The following AGBL1 variants were observed in gnomAD, a reference collection of about 807,000 sequenced individuals.
AGBL1 encodes the protein cytosolic carboxypeptidase 4.
In AGBL1, 130 loss-of-function variants were observed where a neutral mutation model predicts 118.9. The observed-to-expected ratio is 1.09, with a 90% CI of 0.95 to 1.26. The LOEUF (loss-of-function observed/expected upper bound fraction) is 1.26. Ranked by LOEUF, AGBL1 falls within the 50% of genes most tolerant of loss-of-function variation. AGBL1 has a pLI of 0.00. For synonymous variants in AGBL1, 555 were observed against 478.9 expected, an observed-to-expected ratio of 1.16 and a Z score of -2.08; for missense variants, 1,584 against 1,298.1, an observed-to-expected ratio of 1.22 and a Z score of -3.38.
rs1177509776 is a variant in AGBL1, at chr15:86,656,691, C to T, written c.2995-17582C>T. ...TCCCTTATTTATTGAAGATCTCTCCCTTTTCCTGGCCAGAACCCTTGTGAC... is the reference window on the plus strand; with the variant it reads ...TCCCTTATTTATTGAAGATCTCTCCTTTTTCCTGGCCAGAACCCTTGTGAC... On this transcript the variant is annotated intron_variant, in intron 21 of 22. Coordinates refer to ENST00000614907, the MANE Select transcript of AGBL1 (RefSeq NM_001386094.1). 3.3e-5 allele frequency among the ~76,000 whole-genome samples: 5 copies of T among 152,286 alleles called. No individual in the cohort carries two copies. In the East Asian group the frequency reaches 9.7e-4, roughly 29 times the overall value.
In AGBL1 at chr15:86,168,232, G is replaced by T. The variant is rs143665009; in HGVS notation, c.488+9206G>T. Among the ~76,000 whole-genome samples, 502 of 152,256 alleles carry T rather than the reference G, an allele frequency of 3.3e-3. 1 individual carries two copies. The highest frequency in any genetic ancestry group is 6.8e-3 in the Middle Eastern group (2 of 294). On this transcript the variant is annotated intron_variant, in intron 5 of 22. Coordinates refer to ENST00000614907, the MANE Select transcript of AGBL1 (RefSeq NM_001386094.1). Reference sequence around the variant, plus strand: ...ATAAGATTAATGTGATCATGGGGGGGATATTTAAGAGGGAGGGTTTCAGTC... The same window carrying T: ...ATAAGATTAATGTGATCATGGGGGGTATATTTAAGAGGGAGGGTTTCAGTC...
chr15:86,530,163 C>T (rs1256924761), intron 19 of AGBL1, among the ~76,000 whole-genome samples: 2 of 141,640 alleles, frequency 1.4e-5, no homozygotes, highest in Non-Finnish European at 3.0e-5. Context: ...CACAGACTGG[C>T]AAGTTGGATA....
At chr15:86,142,931 C>CA (rs1344084327) in intron 2 of AGBL1, among the ~76,000 whole-genome samples, 1 of 152,154 alleles carries the variant, frequency 6.6e-6, no homozygotes, top group Non-Finnish European at 1.5e-5. Context: ...TTCATTAGGA[C>CA]AAAAAATCAG....
At chr15:86,099,920 G>T (rs77112254) in intron 1 of AGBL1, among the ~76,000 whole-genome samples, 16,109 of 152,176 alleles carry the variant, frequency 0.11, 2,271 homozygotes, top group African/African-American at 0.33. Flanking sequence ...GTTCTTAGAA[G>T]AAGGGATTTC....
intron 22 of AGBL1, among the ~76,000 whole-genome samples, chr15:86,815,539 A>C (rs1020247411): frequency 2.0e-5 from 3 of 152,170 alleles, no homozygotes; most frequent in African/African-American, 7.2e-5. Context: ...GGATCACCAC[A>C]TTGATGAAAA....
At chr15:86,475,400 C>T (rs1457657498) in intron 18 of AGBL1, among the ~76,000 whole-genome samples, 1 of 152,110 alleles carries the variant, frequency 6.6e-6, no homozygotes, top group Non-Finnish European at 1.5e-5. Context: ...GAGCTGAAAA[C>T]CATGACACGA....
At chr15:86,631,301 T>C (rs1248048604) in intron 21 of AGBL1, among the ~76,000 whole-genome samples, 1 of 149,150 alleles carries the variant, frequency 6.7e-6, no homozygotes. Flanking sequence ...GAGACGTAGG[T>C]TTGGGGAGAA....
intron 18 of AGBL1, among the ~76,000 whole-genome samples, chr15:86,450,887 TA>T (rs1413656346): frequency 6.6e-6 from 1 of 152,196 alleles, no homozygotes; most frequent in African/African-American, 2.4e-5. Flanking sequence ...AGTTACTGAT[TA>T]ATCAATAGAT....
intron 5 of AGBL1, among the ~76,000 whole-genome samples, chr15:86,181,870 A>G (rs1453460656): frequency 1.3e-5 from 2 of 152,096 alleles, no homozygotes. Flanking sequence ...TTTCAGTACT[A>G]TCTAGTCGAA....
chr15:86,377,647 G>A (rs1287660130), intron 17 of AGBL1, among the ~76,000 whole-genome samples: 1 of 152,152 alleles, frequency 6.6e-6, no homozygotes, highest in East Asian at 1.9e-4. Context: ...CTCAGAGTAA[G>A]TGGTTCCTAG....
chr15:86,315,923 G>A (rs150227421), intron 17 of AGBL1, among the ~76,000 whole-genome samples: 93 of 152,100 alleles, frequency 6.1e-4, no homozygotes, highest in Non-Finnish European at 7.3e-5. Flanking sequence ...GAAATAGCAA[G>A]CATTACAAAA....
At chr15:86,462,318 A>G (rs1174546956) in intron 18 of AGBL1, among the ~76,000 whole-genome samples, 1 of 152,170 alleles carries the variant, frequency 6.6e-6, no homozygotes, top group African/African-American at 2.4e-5. Flanking sequence ...TCATCTACAC[A>G]GACAAGCCTT....
At chr15:86,547,768 C>T (rs1006501233) in intron 20 of AGBL1, among the ~76,000 whole-genome samples, 1 of 152,162 alleles carries the variant, frequency 6.6e-6, no homozygotes, top group South Asian at 2.1e-4. Flanking sequence ...GTCTGAGCCT[C>T]ACTTTTCTCC....
intron 23 of AGBL1, among the ~76,000 whole-genome samples, chr15:86,955,332 A>G (rs777180471): frequency 2.6e-5 from 4 of 151,898 alleles, no homozygotes; most frequent in Non-Finnish European, 2.9e-5. Flanking sequence ...CCTGAAGGTT[A>G]AAATGAGTGG....
At chr15:86,624,704 C>A (rs2084858283) in intron 21 of AGBL1, among the ~76,000 whole-genome samples, 1 of 152,184 alleles carries the variant, frequency 6.6e-6, no homozygotes, top group Non-Finnish European at 1.5e-5. Context: ...ATGCCCAGTG[C>A]ACTCTTTATT....
intron 22 of AGBL1, among the ~76,000 whole-genome samples, chr15:86,896,395 T>C (rs1339543592): frequency 6.9e-6 from 1 of 145,724 alleles, no homozygotes; most frequent in Non-Finnish European, 1.5e-5. Context: ...ATACCCTGGG[T>C]TTAAAAAAAA....
chr15:86,825,487 A>C (rs1265059626), intron 22 of AGBL1, among the ~76,000 whole-genome samples: 1 of 151,048 alleles, frequency 6.6e-6, no homozygotes, highest in Non-Finnish European at 1.5e-5. Flanking sequence ...AAACTCTTAC[A>C]ACTCAACAGT....
At chr15:86,651,950 G>T (rs1426478427) in intron 21 of AGBL1, among the ~76,000 whole-genome samples, 3 of 152,200 alleles carry the variant, frequency 2.0e-5, no homozygotes, top group South Asian at 2.1e-4. Context: ...TGAGATGGGG[G>T]TACTTCAAAA....
chr15:87,019,003 C>A (rs11852388), intron 24 of AGBL1, among the ~76,000 whole-genome samples: 58,444 of 148,690 alleles, frequency 0.39, 11,777 homozygotes, highest in East Asian at 0.52. Flanking sequence ...TTTAAACCAA[C>A]AAAGATAAAA....
Sources: gnomAD v4.1 joint callset for allele counts (sites outside exome capture counted in the v4.1 genomes callset) on GRCh38, gnomAD v4.1.1 for gene constraint, MANE v1.5 for transcripts, NCBI Gene and HGNC (gene_info 2026-07-23, HGNC 2026-07-21) for gene names.